Variants in CCDC141 observed in about 807,000 individuals in gnomAD.
The protein encoded by CCDC141 is coiled-coil domain-containing protein 141.
CCDC141 carries 168 observed loss-of-function variants against 181.0 expected under a neutral mutation model. The ratio of observed to expected loss-of-function variants is 0.93; its 90% confidence interval spans 0.82 to 1.05. CCDC141 has a LOEUF of 1.05. CCDC141 is among the 50% of genes least tolerant of loss of function. The pLI is 0.00. For synonymous variants in CCDC141, 666 were observed against 642.3 expected (o/e 1.04, Z -0.56); for missense variants, 1,902 against 1,788.5 (o/e 1.06, Z -1.14).
At chr2:178,985,058 A>G (rs1174876512) in intron 2 of CCDC141, among the ~76,000 whole-genome samples, 1 of 151,462 alleles carries the variant, frequency 6.6e-6, no homozygotes, top group African/African-American at 2.4e-5. Flanking sequence ...TTGACCACAT[A>G]CTTGGAAGTA....
intron 2 of CCDC141, among the ~76,000 whole-genome samples, chr2:179,028,600 G>A (rs1375922050): frequency 6.6e-6 from 1 of 151,872 alleles, no homozygotes; most frequent in Non-Finnish European, 1.5e-5. Context: ...AATACCAGTG[G>A]GATATCTGTT....
intron 2 of CCDC141, among the ~76,000 whole-genome samples, chr2:179,016,401 T>C (rs2042542455): frequency 6.6e-6 from 1 of 151,998 alleles, no homozygotes; most frequent in Admixed American, 6.6e-5. Flanking sequence ...CATATAAACA[T>C]ATATTTAGAG....
intron 11 of CCDC141, among the ~76,000 whole-genome samples, chr2:178,883,476 C>T (rs549608335): frequency 1.3e-4 from 19 of 151,746 alleles, no homozygotes; most frequent in African/African-American, 3.4e-4. Context: ...AAGGACAAAC[C>T]GGTTGAGTAA....
At chr2:178,862,367 G>A (rs990682131) in intron 17 of CCDC141, among the ~76,000 whole-genome samples, 26 of 152,302 alleles carry the variant, frequency 1.7e-4, no homozygotes, top group African/African-American at 6.0e-4. Context: ...TCTGTAATAT[G>A]AGCCTCGAGT....
intron 6 of CCDC141, 30 bp downstream of exon 6, chr2:178,944,502 AATT>A (rs1206353748): frequency 9.6e-7 from 1 of 1,047,014 alleles, no homozygotes; most frequent in Non-Finnish European, 1.3e-6. Context: ...TGCATTTTTC[AATT>A]ATTTTTAGTG....
intron 14 of CCDC141, among the ~76,000 whole-genome samples, chr2:178,870,392 A>T (rs1432647154): frequency 3.3e-5 from 5 of 152,160 alleles, no homozygotes; most frequent in Admixed American, 3.3e-4. Context: ...TTCAAGTTCA[A>T]GCATTTGGGC....
intron 2 of CCDC141, among the ~76,000 whole-genome samples, chr2:179,022,662 C>A (rs1302494384): frequency 3.9e-5 from 6 of 152,164 alleles, no homozygotes; most frequent in Admixed American, 2.6e-4. Context: ...CAGATAGTGC[C>A]TTGATGTTGT....
chr2:179,002,399 G>C (rs1575329910), intron 2 of CCDC141: 1 of 316,868 alleles, frequency 3.2e-6, no homozygotes. Flanking sequence ...TTGTAAAAAA[G>C]GGAGAGAAGG....
rs751460687 is a variant in CCDC141, at chr2:178,871,515, A to AT, written c.2116dup (p.Met706AsnfsTer7). The AT allele has an allele frequency of 6.2e-7, 1 of 1,614,016 alleles. No individual in the cohort carries two copies. The highest frequency in any genetic ancestry group is 8.5e-7 in the Non-Finnish European group (1 of 1,179,918). On this transcript the variant is annotated frameshift_variant, in exon 14 of 24. Transcript: ENST00000443758. LOFTEE classifies it high-confidence loss of function. ...TCCGAGGTCAAGTGCAGACACAGGC[A>AT]TAAGTGCTTCCTGAAGAAGTTTTAA...
chr2:178,998,242 T>C (rs532775306), intron 2 of CCDC141, among the ~76,000 whole-genome samples: 1 of 152,250 alleles, frequency 6.6e-6, no homozygotes, highest in South Asian at 2.1e-4. Flanking sequence ...CTATTAAAGC[T>C]AAAACCAAAC....
intron 7 of CCDC141, among the ~76,000 whole-genome samples, chr2:178,916,800 C>A (rs145187075): frequency 1.3e-5 from 2 of 152,146 alleles, no homozygotes; most frequent in Non-Finnish European, 2.9e-5. Flanking sequence ...GTATAGTTAG[C>A]ATGCCATGGC....
the CCDC141 span, among the ~76,000 whole-genome samples, chr2:178,823,944 A>T: frequency 6.6e-6 from 1 of 152,130 alleles, no homozygotes; most frequent in Non-Finnish European, 1.5e-5. Context: ...TCTAGGCCAT[A>T]AGTTGCTAAT....
rs76580576 is a variant in CCDC141, at chr2:178,857,204, A to G, written c.2725-807T>C. ...ACTCTCTCACAGCCATCATGTATACATTTATTAAGGCTCCAAAAAGCTATC... is the reference window on the plus strand; with the variant it reads ...ACTCTCTCACAGCCATCATGTATACGTTTATTAAGGCTCCAAAAAGCTATC... On this transcript the variant is annotated intron_variant, in intron 17 of 23. Transcript: ENST00000443758. Among the ~76,000 whole-genome samples the G allele has an allele frequency of 2.6e-3, 390 of 152,206 alleles. 2 individuals carry two copies. The highest frequency in any genetic ancestry group is 0.013 in the East Asian group (65 of 5,144).
At chr2:178,984,655 A>G (rs1228281552) in intron 2 of CCDC141, among the ~76,000 whole-genome samples, 33 of 146,854 alleles carry the variant, frequency 2.2e-4, no homozygotes, top group South Asian at 1.6e-3. Context: ...AAAAAGGCAG[A>G]GGTTGCAATC....
At chr2:178,923,378 A>G (rs1406383778) in intron 6 of CCDC141, among the ~76,000 whole-genome samples, 1 of 152,142 alleles carries the variant, frequency 6.6e-6, no homozygotes, top group Admixed American at 6.5e-5. Flanking sequence ...TGCTGGGATT[A>G]CAGGCGTGAG....
At chr2:178,921,005 A>G (rs1575219164) in intron 6 of CCDC141, among the ~76,000 whole-genome samples, 1 of 152,274 alleles carries the variant, frequency 6.6e-6, no homozygotes, top group East Asian at 1.9e-4. Flanking sequence ...AGAGTATGCT[A>G]CTCAAGGTTA....
intron 22 of CCDC141, 122 bp from the exon 23 acceptor site, chr2:178,837,866 G>T: frequency 1.8e-6 from 2 of 1,116,018 alleles, no homozygotes; most frequent in East Asian, 2.5e-5. Context: ...AAATTTAGGG[G>T]GCTGGAGCAA....
Position 178,888,609 on chromosome 2 carries a change from A to G in CCDC141, c.1325T>C (p.Leu442Pro). 1 of 1,550,790 alleles carries G rather than the reference A, an allele frequency of 6.4e-7. No homozygotes were observed. ...MGCIKRRVDH[L>P]TEQCSAHKEY... ...CTTGTGCGCTGAACACTGTTCGGTC[A>G]GATGATCCACTCGTCTCTTAATGCA... Residue 442 changes from leucine to proline, a missense_variant, in exon 9 of 24, where the codon CTG becomes CCG. Leu to Pro is a moderately conservative substitution (Grantham distance 98). Coordinates refer to ENST00000443758, the MANE Select transcript of CCDC141 (RefSeq NM_173648.4).
chr2:179,034,366 A>G (rs930689052), intron 2 of CCDC141, among the ~76,000 whole-genome samples: 6 of 152,100 alleles, frequency 3.9e-5, no homozygotes, highest in African/African-American at 1.4e-4. Context: ...GGTGGGAGGA[A>G]TGAGAGGATC....
Sources: gnomAD v4.1 joint callset for allele counts (sites outside exome capture counted in the v4.1 genomes callset) on GRCh38, gnomAD v4.1.1 for gene constraint, MANE v1.5 for transcripts, NCBI Gene and HGNC (gene_info 2026-07-23, HGNC 2026-07-21) for gene names.